The following RXFP1 variants were observed in gnomAD, a reference collection of about 807,000 sequenced individuals.
RXFP1 encodes relaxin receptor 1.
A neutral mutation model predicts 89.8 loss-of-function variants in RXFP1; 73 were observed. The ratio of observed to expected loss-of-function variants is 0.81; its 90% CI spans 0.67 to 0.99. The LOEUF is 0.99. Among genes scored for constraint, RXFP1 ranks in the 50% least tolerant of loss-of-function variants. The pLI is 0.00. For synonymous variants in RXFP1, 277 were observed against 305.5 expected (o/e 0.91, Z 0.97); for missense variants, 793 against 895.5 (o/e 0.89, Z 1.46).
chr4:158,603,394 C>A (rs1762030941), intron 4 of RXFP1, among the ~76,000 whole-genome samples: 1 of 152,170 alleles, frequency 6.6e-6, no homozygotes, highest in African/African-American at 2.4e-5. Context: ...TTGGTGACAG[C>A]CAGCAACTGA....
At chr4:158,565,339 C>G (rs1753336606) in intron 1 of RXFP1, among the ~76,000 whole-genome samples, 1 of 152,112 alleles carries the variant, frequency 6.6e-6, no homozygotes, top group Non-Finnish European at 1.5e-5. Flanking sequence ...GAAATTAATA[C>G]AGATGGAAAT....
Position 158,647,061 on chromosome 4 carries a change from G to C in RXFP1, c.1616G>C (p.Gly539Ala), listed in dbSNP as rs1473119690. Residue 539 changes from glycine to alanine, a missense_variant, in exon 16 of 18, where the codon GGT becomes GCT. Coordinates refer to ENST00000307765, the MANE Select transcript of RXFP1 (RefSeq NM_021634.4). ...GTTCTGATTCTCATTTGGATTACTG[G>C]TTTTATAGTGGCTTTCATTCCATTG... is the stretch of plus-strand genomic sequence containing the variant. ...ITVLILIWIT[G>A]FIVAFIPLSN... is the part of the protein sequence containing the mutation. The C allele has an allele frequency of 1.2e-6, 2 of 1,613,948 alleles. No homozygotes were observed. The highest frequency in any genetic ancestry group is 2.7e-5 in the African/African-American group (2 of 74,892).
At chr4:158,522,988 T>C (rs577335460) in intron 1 of RXFP1, among the ~76,000 whole-genome samples, 63 of 152,268 alleles carry the variant, frequency 4.1e-4, no homozygotes, top group African/African-American at 1.4e-3. Flanking sequence ...TATATCTTCC[T>C]TTTCCTCCTT....
intron 1 of RXFP1, among the ~76,000 whole-genome samples, chr4:158,564,420 G>T (rs1269224460): frequency 6.6e-6 from 1 of 152,140 alleles, no homozygotes; most frequent in East Asian, 1.9e-4. Flanking sequence ...AAAGATACAG[G>T]AGCTGAGGGC....
intron 1 of RXFP1, among the ~76,000 whole-genome samples, chr4:158,552,017 T>C (rs922840751): frequency 4.6e-5 from 7 of 152,286 alleles, no homozygotes; most frequent in South Asian, 2.1e-4. Context: ...TTGAGACCAG[T>C]TGGGGACACT....
At chr4:158,601,876 T>G (rs1205320148) in intron 4 of RXFP1, among the ~76,000 whole-genome samples, 1 of 152,226 alleles carries the variant, frequency 6.6e-6, no homozygotes, top group Non-Finnish European at 1.5e-5. Flanking sequence ...TTTACTTTTT[T>G]CTAGCTTGAT....
At chr4:158,626,243 G>T (rs1336787034) in intron 9 of RXFP1, among the ~76,000 whole-genome samples, 2 of 152,068 alleles carry the variant, frequency 1.3e-5, no homozygotes, top group Non-Finnish European at 2.9e-5. Flanking sequence ...TCTGCTGTTT[G>T]CTCTCTGTCT....
At chr4:158,553,044 C>A (rs6850773) in intron 1 of RXFP1, among the ~76,000 whole-genome samples, 5,594 of 152,002 alleles carry the variant, frequency 0.037, 336 homozygotes, top group African/African-American at 0.13. Context: ...TAAAAAATAG[C>A]CATAAGTGGT....
intron 1 of RXFP1, among the ~76,000 whole-genome samples, chr4:158,532,935 C>T (rs1336883929): frequency 6.6e-6 from 1 of 152,176 alleles, no homozygotes; most frequent in African/African-American, 2.4e-5. Context: ...GGCAGTCCCC[C>T]AAATTCTCTT....
At chr4:158,625,893 C>T (rs1766604032) in intron 9 of RXFP1, among the ~76,000 whole-genome samples, 1 of 152,010 alleles carries the variant, frequency 6.6e-6, no homozygotes, top group Non-Finnish European at 1.5e-5. Flanking sequence ...AAAGTCTATC[C>T]CTAAACCTCA....
chr4:158,628,634 T>C lies in RXFP1; in HGVS notation c.828-4T>C, dbSNP rs180993877. 19 of 1,472,466 alleles carry C rather than the reference T, an allele frequency of 1.3e-5. No individual in the cohort carries two copies. In the Admixed American group the frequency reaches 3.3e-4, roughly 26 times the overall value. The allele number at this position is 1,472,466 out of a possible 1,614,324, so 91.2% of individuals were successfully genotyped here. ...TTACAATGTATTTTTCTTTTTACTT[T>C]CAGAGTGATGAGGAAAAACAAAATT... On this transcript the variant is annotated splice_region_variant and splice_polypyrimidine_tract_variant and intron_variant, in intron 10 of 17. Transcript: ENST00000307765.
chr4:158,556,711 A>G (rs369211945), intron 1 of RXFP1, among the ~76,000 whole-genome samples: 38 of 152,346 alleles, frequency 2.5e-4, no homozygotes, highest in African/African-American at 9.1e-4. Context: ...GTATATGCAT[A>G]TAAAGATATA....
chr4:158,538,471 A>G (rs1560965479), intron 1 of RXFP1, among the ~76,000 whole-genome samples: 2 of 152,226 alleles, frequency 1.3e-5, no homozygotes, highest in Non-Finnish European at 2.9e-5. Flanking sequence ...GAGAGAATGC[A>G]AAATGAATTG....
chr4:158,566,343 GATTATCTCAAAATTTTAAA>G (rs1223841293), intron 1 of RXFP1, among the ~76,000 whole-genome samples: 6 of 151,248 alleles, frequency 4.0e-5, no homozygotes, highest in Admixed American at 2.0e-4. Context: ...CTCAGTTTGA[GATTATCTCAAAATTTTAAA>G]ATTATCTCAA....
intron 11 of RXFP1, among the ~76,000 whole-genome samples, chr4:158,633,139 C>T (rs1768435080): frequency 6.6e-6 from 1 of 151,936 alleles, no homozygotes; most frequent in Admixed American, 6.6e-5. Context: ...CACTACACTC[C>T]AGCCTGGGTG....
intron 1 of RXFP1, among the ~76,000 whole-genome samples, chr4:158,553,741 A>C (rs1019898698): frequency 6.6e-6 from 1 of 152,100 alleles, no homozygotes; most frequent in South Asian, 2.1e-4. Flanking sequence ...TCTAGTTTCT[A>C]TGGCCTGCCT....
At chr4:158,532,789 C>T (rs977599643) in intron 1 of RXFP1, among the ~76,000 whole-genome samples, 10 of 152,296 alleles carry the variant, frequency 6.6e-5, no homozygotes, top group African/African-American at 1.7e-4. Flanking sequence ...CAGGCAGATT[C>T]GGGGCTGACA....
chr4:158,626,060 A>G (rs1372294605), intron 9 of RXFP1, among the ~76,000 whole-genome samples: 1 of 151,906 alleles, frequency 6.6e-6, no homozygotes, highest in Non-Finnish European at 1.5e-5. Flanking sequence ...TTATGGTGAC[A>G]TAGGCATCAC....
chr4:158,526,003 A>AT (rs1413770327), intron 1 of RXFP1, among the ~76,000 whole-genome samples: 3 of 152,230 alleles, frequency 2.0e-5, no homozygotes. Flanking sequence ...ATCTTTCTCT[A>AT]TTTTAGATAT....
Sources: gnomAD v4.1 joint callset for allele counts (sites outside exome capture counted in the v4.1 genomes callset) on GRCh38, gnomAD v4.1.1 for gene constraint, MANE v1.5 for transcripts, NCBI Gene and HGNC (gene_info 2026-07-23, HGNC 2026-07-21) for gene names.